The following GATAD1 variants were observed in gnomAD, a reference collection of about 807,000 sequenced individuals.
GATAD1 encodes GATA zinc finger domain containing 1.
A neutral mutation model predicts 26.5 loss-of-function variants in GATAD1; 12 were observed. The observed-to-expected ratio is 0.45, with a 90% CI of 0.29 to 0.73. GATAD1 has a LOEUF of 0.73. GATAD1 is among the 30% of genes least tolerant of loss of function. The pLI, the probability that GATAD1 is intolerant of heterozygous loss-of-function variation, is 0.10. For synonymous variants in GATAD1, 129 were observed against 133.1 expected, an observed-to-expected ratio of 0.97 and a Z score of 0.21; for missense variants, 266 against 342.1, an observed-to-expected ratio of 0.78 and a Z score of 1.75.
downstream of GATAD1, among the ~76,000 whole-genome samples, chr7:92,464,109 C>T (rs947799017): frequency 1.4e-4 from 21 of 152,106 alleles, no homozygotes; most frequent in Admixed American, 5.9e-4. Flanking sequence ...TTAAGGAAGA[C>T]ATTGAGTACA....
chr7:92,470,438 A>T, the GATAD1 span: 1 of 629,782 alleles, frequency 1.6e-6, no homozygotes, highest in Non-Finnish European at 2.9e-6. Flanking sequence ...AGCAGGCGCA[A>T]ATCCTCTAGA....
the GATAD1 span, among the ~76,000 whole-genome samples, chr7:92,478,410 G>T: frequency 6.6e-6 from 1 of 152,284 alleles, no homozygotes; most frequent in East Asian, 1.9e-4. Flanking sequence ...TCATCTATAG[G>T]ATATACCACA....
At chr7:92,494,877 T>C in the GATAD1 span, among the ~76,000 whole-genome samples, 1 of 151,744 alleles carries the variant, frequency 6.6e-6, no homozygotes, top group African/African-American at 2.4e-5. Flanking sequence ...AGGCAAGGCA[T>C]ATGAAATTAC....
the GATAD1 span, among the ~76,000 whole-genome samples, chr7:92,483,232 T>A: frequency 2.4e-4 from 36 of 152,268 alleles, 1 homozygote; most frequent in Middle Eastern, 3.4e-3. Context: ...GGCCCAATGG[T>A]CAGATTTCCG....
downstream of GATAD1, among the ~76,000 whole-genome samples, chr7:92,461,755 C>G (rs796105111): frequency 1.9e-4 from 29 of 152,240 alleles, no homozygotes; most frequent in African/African-American, 6.7e-4. Context: ...CTCTGTGGGC[C>G]TCCACAGGTT....
the GATAD1 span, chr7:92,489,166 T>C: frequency 7.9e-4 from 701 of 885,876 alleles, 6 homozygotes; most frequent in African/African-American, 0.011. Context: ...CTACGACACA[T>C]ATTTTTTGAA....
the GATAD1 span, among the ~76,000 whole-genome samples, chr7:92,475,507 G>A: frequency 6.6e-6 from 1 of 152,266 alleles, no homozygotes; most frequent in Non-Finnish European, 1.5e-5. Context: ...CAAAGAAAGG[G>A]GTCCAGGCTG....
the GATAD1 span, chr7:92,469,299 G>A: frequency 1.3e-5 from 10 of 764,406 alleles, no homozygotes; most frequent in South Asian, 5.4e-5. Context: ...GGGAGTCGGC[G>A]ACCCGTTCCA....
At chr7:92,493,941 C>T in the GATAD1 span, 357 of 276,546 alleles carry the variant, frequency 1.3e-3, 1 homozygote, top group African/African-American at 7.1e-3. Flanking sequence ...TACATGCTTA[C>T]GATTCACATG....
At chr7:92,469,494 A>T in the GATAD1 span, 1 of 768,954 alleles carries the variant, frequency 1.3e-6, no homozygotes, top group Non-Finnish European at 2.4e-6. Context: ...AGATGGTCAT[A>T]GGGGGCACTA....
At chr7:92,454,975 T>C (rs904639770) in intron 4 of GATAD1, among the ~76,000 whole-genome samples, 2 of 152,164 alleles carry the variant, frequency 1.3e-5, no homozygotes, top group Non-Finnish European at 2.9e-5. Context: ...TATCTTCTTA[T>C]AAGGACACCA....
the GATAD1 span, chr7:92,490,281 AAAATT>A: frequency 4.7e-4 from 116 of 249,166 alleles, 2 homozygotes; most frequent in African/African-American, 2.4e-3. Context: ...ATTAAAGACT[AAAATT>A]AAACCACCAC....
chr7:92,453,505 T>A (rs1056187458), intron 3 of GATAD1, among the ~76,000 whole-genome samples: 2 of 152,158 alleles, frequency 1.3e-5, no homozygotes, highest in African/African-American at 4.8e-5. Flanking sequence ...ACACAAAGCC[T>A]TGAATGCCAG....
intron 3 of GATAD1, among the ~76,000 whole-genome samples, chr7:92,450,995 A>AT (rs532946357): frequency 7.9e-5 from 12 of 151,024 alleles, no homozygotes; most frequent in African/African-American, 2.2e-4. Flanking sequence ...GATCTTAAGT[A>AT]TTTTTTTTTA....
rs1185147911 is a variant in GATAD1, at chr7:92,447,813, C to T, written c.84C>T (p.Ile28=). ...SMWKKGAQGE[I]LCHHCTGRGG... ...GGAAGAAGGGAGCGCAGGGGGAGAT[C>T]CTCTGCCATCATTGCACTGGCCGGG... is the stretch of plus-strand genomic sequence containing the variant. The change falls in exon 1 of 5, where the codon ATC becomes ATT. Residue 28 remains isoleucine (I), a synonymous_variant. Transcript: ENST00000287957. The T allele has an allele frequency of 5.4e-6, 8 of 1,486,444 alleles. No individual in the cohort carries two copies. The highest frequency in any genetic ancestry group is 6.0e-5 in the East Asian group (2 of 33,184). 92.1% of individuals were successfully genotyped at this position (1,486,444 alleles called of 1,614,324 possible).
At chr7:92,487,586 TACAAA>T in the GATAD1 span, 1 of 847,874 alleles carries the variant, frequency 1.2e-6, no homozygotes, top group East Asian at 2.5e-5. Flanking sequence ...ATACTACCAT[TACAAA>T]ACAAAAGATA....
the GATAD1 span, among the ~76,000 whole-genome samples, chr7:92,488,443 T>C: frequency 1.3e-5 from 2 of 152,296 alleles, no homozygotes; most frequent in African/African-American, 4.8e-5. Context: ...ATCTCTTAAA[T>C]TGAATCACAC....
the GATAD1 span, among the ~76,000 whole-genome samples, chr7:92,467,313 A>T: frequency 6.6e-6 from 1 of 152,134 alleles, no homozygotes; most frequent in Non-Finnish European, 1.5e-5. Flanking sequence ...ACTCCGTCTC[A>T]AAATAAAAAA....
chr7:92,494,768 TAAAG>T, the GATAD1 span: 12 of 402,324 alleles, frequency 3.0e-5, no homozygotes, highest in South Asian at 1.1e-4. Flanking sequence ...AACAAACCCT[TAAAG>T]AAGGCAAGTT....
Sources: gnomAD v4.1 joint callset for allele counts (sites outside exome capture counted in the v4.1 genomes callset) on GRCh38, gnomAD v4.1.1 for gene constraint, MANE v1.5 for transcripts, NCBI Gene and HGNC (gene_info 2026-07-23, HGNC 2026-07-21) for gene names.